C4orf50: variants seen among roughly 807,000 people sequenced by gnomAD.
The protein encoded by C4orf50 is uncharacterized protein C4orf50.
In C4orf50, 80 loss-of-function variants were observed where a neutral mutation model predicts 77.2. That is an observed-to-expected ratio of 1.04 (90% confidence interval 0.87 to 1.25). The LOEUF (loss-of-function observed/expected upper bound fraction) is 1.25, where lower values mean the gene tolerates loss of function less well. C4orf50 is among the 50% of genes most tolerant of loss of function. The pLI is 0.00. For synonymous variants in C4orf50, 532 were observed against 465.3 expected, an observed-to-expected ratio of 1.14 and a Z score of -1.84; for missense variants, 1,257 against 1,152.9, an observed-to-expected ratio of 1.09 and a Z score of -1.31.
rs1289880686 is a variant in C4orf50, at chr4:5,958,394, T to G, written c.*981A>C. 2.0e-5 allele frequency: 3 copies of G among 152,194 alleles called. No homozygotes were observed. Among genetic ancestry groups the G allele is most frequent in the Non-Finnish European group, 4.4e-5 (3 of 68,072 alleles). 9.4% of individuals were successfully genotyped at this position (152,194 alleles called of 1,614,324 possible). ...TTCCCCTCCAGGGGCACATCCACAG[T>G]TCAGTTTTATGCCTCAGGGCCTTTG... On this transcript the variant is annotated 3_prime_UTR_variant, in exon 34 of 34. Coordinates refer to ENST00000531445, the Ensembl canonical transcript of C4orf50. The surrounding 1 kb of genome is among the most constrained non-coding windows in gnomAD (Gnocchi z 5.4).
intron 25 of C4orf50, among the ~76,000 whole-genome samples, chr4:6,002,831 G>A (rs1721890131): frequency 6.6e-6 from 1 of 152,230 alleles, no homozygotes; most frequent in Admixed American, 6.5e-5. Flanking sequence ...AATTACATCG[G>A]GGCCTCACTC....
chr4:5,947,739 C>G (rs1027644967), intron 7 of C4orf50, among the ~76,000 whole-genome samples: 7 of 152,206 alleles, frequency 4.6e-5, no homozygotes, highest in African/African-American at 1.7e-4. Flanking sequence ...TAGCCTAACA[C>G]TCTTCCAAGT....
intron 7 of C4orf50, among the ~76,000 whole-genome samples, chr4:5,918,618 G>C (rs917588767): frequency 6.6e-6 from 1 of 152,186 alleles, no homozygotes; most frequent in African/African-American, 2.4e-5. Flanking sequence ...GAAGCTCTAA[G>C]GGAAATGAGA....
At chr4:5,957,162 TC>T (rs1439337743) in exon 34 of C4orf50, 1 of 152,104 alleles carries the variant, frequency 6.6e-6, no homozygotes, top group Non-Finnish European at 1.5e-5. Flanking sequence ...GCTGCAAAGG[TC>T]GTCTTGGCTT....
At chr4:5,971,291 C>T (rs1216588264) in intron 31 of C4orf50, among the ~76,000 whole-genome samples, 2 of 152,210 alleles carry the variant, frequency 1.3e-5, no homozygotes, top group Non-Finnish European at 2.9e-5. Flanking sequence ...GACCCGCTTC[C>T]TGCCTGGCTA....
intron 28 of C4orf50, among the ~76,000 whole-genome samples, chr4:5,988,009 T>C (rs543008793): frequency 1.3e-5 from 2 of 152,052 alleles, no homozygotes; most frequent in South Asian, 4.2e-4. Flanking sequence ...AACCCCAGGG[T>C]TGGAAAATGC....
chr4:5,958,105 T>G lies in C4orf50; in HGVS notation c.*1270A>C, dbSNP rs1719068589. On this transcript the variant is annotated 3_prime_UTR_variant, in exon 34 of 34. Coordinates refer to ENST00000531445, the Ensembl canonical transcript of C4orf50. This position sits in a 1 kb window ranked among gnomAD's most constrained non-coding sequence, Gnocchi z 5.4. Reference sequence around the variant, plus strand: ...TTGGACAGGTAGCGGCTTTGGCCTTTCCCTTAAGCCCCTCCTCAGCCCCTT... The same window carrying G: ...TTGGACAGGTAGCGGCTTTGGCCTTGCCCTTAAGCCCCTCCTCAGCCCCTT... The G allele has an allele frequency of 6.6e-6, 1 of 152,294 alleles. No individual in the cohort carries two copies. The highest frequency in any genetic ancestry group is 1.5e-5 in the Non-Finnish European group (1 of 68,118). The allele number at this position is 152,294 out of a possible 1,614,324, so 9.4% of individuals were successfully genotyped here.
At chr4:5,949,072 A>C (rs1718611944) in intron 7 of C4orf50, among the ~76,000 whole-genome samples, 1 of 152,088 alleles carries the variant, frequency 6.6e-6, no homozygotes, top group South Asian at 2.1e-4. Context: ...TTGAATCTGG[A>C]TAAAATCAAA....
chr4:5,931,541 C>A (rs1717767848), intron 7 of C4orf50, among the ~76,000 whole-genome samples: 1 of 152,186 alleles, frequency 6.6e-6, no homozygotes, highest in South Asian at 2.1e-4. Flanking sequence ...CGAGGCTGAG[C>A]TGAACTAGAA....
At chr4:5,960,422 G>C (rs1719209573) in intron 33 of C4orf50, among the ~76,000 whole-genome samples, 1 of 152,240 alleles carries the variant, frequency 6.6e-6, no homozygotes, top group Non-Finnish European at 1.5e-5. Flanking sequence ...CAGATGAGCA[G>C]AATGGAGCCG....
Position 6,000,987 on chromosome 4 carries a change from CG to C in C4orf50, c.964-6512del, listed in dbSNP as rs1721806382. On this transcript the variant is annotated intron_variant, in intron 25 of 33. Transcript: ENST00000531445. This position sits in a 1 kb window ranked among gnomAD's most constrained non-coding sequence, Gnocchi z 6.0. The stretch of plus-strand genomic sequence containing the variant: ...AAGTGGCAGGAGAGCCCACCTCCAC[CG>C]GAAGTTAGAGCAAGTGATACCAGAA... 6.6e-6 allele frequency among the ~76,000 whole-genome samples: 1 copy of C among 152,104 alleles called. No individual in the cohort carries two copies. Among genetic ancestry groups the C allele is most frequent in the African/African-American group, 2.4e-5 (1 of 41,412 alleles).
At chr4:5,955,218 C>T (rs1205545858), downstream of C4orf50, among the ~76,000 whole-genome samples, 1 of 152,120 alleles carries the variant, frequency 6.6e-6, no homozygotes, top group Non-Finnish European at 1.5e-5. The surrounding 1 kb of genome is among the most constrained non-coding windows in gnomAD (Gnocchi z 5.1). Context: ...CCTCCTTGAG[C>T]GCTTCACAGA....
chr4:6,008,363 C>T lies in C4orf50; in HGVS notation c.596G>A (p.Arg199Gln), dbSNP rs1347920108. 1 of 391,934 alleles carries T rather than the reference C, an allele frequency of 2.6e-6. No individual in the cohort carries two copies. Among genetic ancestry groups the T allele is most frequent in the Non-Finnish European group, 4.5e-6 (1 of 221,838 alleles). 24.3% of individuals were successfully genotyped at this position (391,934 alleles called of 1,614,324 possible). ...GCGCTCCAGCCGCTGCACCTGCTCCCGCAGGACGCGCTCCTGCTCCCGCAC... is the reference window on the plus strand; with the variant it reads ...GCGCTCCAGCCGCTGCACCTGCTCCTGCAGGACGCGCTCCTGCTCCCGCAC... The change falls in exon 25 of 34, where the codon CGG (arginine) becomes CAG (glutamine). Residue 199 changes from arginine (R) to glutamine (Q), a missense_variant. Transcript: ENST00000531445. The surrounding 1 kb of genome is among the most constrained non-coding windows in gnomAD (Gnocchi z 6.0).
intron 25 of C4orf50, among the ~76,000 whole-genome samples, chr4:6,003,708 T>A (rs1300673104): frequency 7.4e-6 from 1 of 134,444 alleles, no homozygotes; most frequent in African/African-American, 2.9e-5. Flanking sequence ...GTGATGGTGA[T>A]GATGTGATGG....
At chr4:5,996,911 G>C (rs1244379958) in intron 25 of C4orf50, among the ~76,000 whole-genome samples, 2 of 152,164 alleles carry the variant, frequency 1.3e-5, no homozygotes, top group Non-Finnish European at 2.9e-5. Context: ...TTATCCATTT[G>C]GTTCCCACTC....
At chr4:5,999,093 G>A (rs964959264) in intron 25 of C4orf50, among the ~76,000 whole-genome samples, 2 of 152,186 alleles carry the variant, frequency 1.3e-5, no homozygotes, top group African/African-American at 4.8e-5. Flanking sequence ...GCACTGCCCC[G>A]GCTACCTTGC....
chr4:5,997,150 G>T (rs1283179026), intron 25 of C4orf50, among the ~76,000 whole-genome samples: 2 of 152,216 alleles, frequency 1.3e-5, no homozygotes, highest in Non-Finnish European at 2.9e-5. Flanking sequence ...ATAGAAAAAG[G>T]GAGAGGCTGG....
intron 31 of C4orf50, among the ~76,000 whole-genome samples, chr4:5,972,641 C>G (rs960939095): frequency 1.3e-5 from 2 of 152,222 alleles, no homozygotes; most frequent in African/African-American, 4.8e-5. Context: ...AGAGACCAGG[C>G]TGGGCAGAGC....
intron 7 of C4orf50, among the ~76,000 whole-genome samples, chr4:5,911,970 C>A (rs531497398): frequency 5.3e-5 from 8 of 152,160 alleles, no homozygotes; most frequent in African/African-American, 1.9e-4. Context: ...CGCTTTAACC[C>A]CGGAGGCGGA....
Sources: allele counts gnomAD v4.1 joint callset (sites outside exome capture counted in the v4.1 genomes callset), GRCh38; gene constraint gnomAD v4.1.1; non-coding constraint Gnocchi (gnomAD v3.1); transcripts MANE v1.5; gene names NCBI Gene and HGNC (gene_info 2026-07-23, HGNC 2026-07-21).